TUBGCP3: variants seen among roughly 807,000 people sequenced by gnomAD.
TUBGCP3 encodes gamma-tubulin complex component 3.
In TUBGCP3, 50 loss-of-function variants were observed where a neutral mutation model predicts 123.1. The observed-to-expected ratio is 0.41, with a 90% CI of 0.32 to 0.51. The LOEUF is 0.51. Ranked by LOEUF, TUBGCP3 falls within the 20% of genes least tolerant of loss-of-function variation. The pLI, the probability that TUBGCP3 is intolerant of heterozygous loss-of-function variation, is 0.36. For missense variants in TUBGCP3, 882 were observed against 1,127.0 expected (o/e 0.78, Z 3.11); for synonymous variants, 405 against 413.9 (o/e 0.98, Z 0.26).
intron 17 of TUBGCP3, among the ~76,000 whole-genome samples, chr13:112,510,186 C>T (rs1374443319): frequency 6.6e-6 from 1 of 152,166 alleles, no homozygotes; most frequent in African/African-American, 2.4e-5. Context: ...TCTCCACTGA[C>T]CCCTAAAGGC....
intron 5 of TUBGCP3, 90 bp downstream of exon 5, chr13:112,558,106 C>T (rs1880194079): frequency 7.1e-7 from 1 of 1,411,038 alleles, no homozygotes; most frequent in African/African-American, 1.4e-5. Flanking sequence ...CCCACTGATA[C>T]TGTGGGTGAA....
At position 112,511,502 on chromosome 13, in the gene TUBGCP3, G is replaced by T. The variant is rs1019182006; in HGVS notation, c.2086+4938C>A. 1.3e-5 allele frequency among the ~76,000 whole-genome samples: 2 copies of T among 152,076 alleles called. No homozygotes were observed. Among genetic ancestry groups the T allele is most frequent in the South Asian group, 4.2e-4 (2 of 4,806 alleles). On this transcript the variant is annotated intron_variant, in intron 17 of 21. Coordinates refer to ENST00000261965, the MANE Select transcript of TUBGCP3 (RefSeq NM_006322.6). The surrounding 1 kb of genome is among the most constrained non-coding windows in gnomAD (Gnocchi z 4.1). ...AACCGCAGCTGGGCCGGTACTAAAG[G>T]CTGTGCTGCCGGAGCACAGAGCCCA...
chr13:112,534,433 G>C (rs1419401612), intron 11 of TUBGCP3, among the ~76,000 whole-genome samples: 1 of 152,180 alleles, frequency 6.6e-6, no homozygotes, highest in Non-Finnish European at 1.5e-5. Flanking sequence ...TGTGGTCCCA[G>C]CTAATCAGGA....
intron 9 of TUBGCP3, 89 bp from the exon 10 acceptor site, chr13:112,547,841 G>T: frequency 1.5e-6 from 2 of 1,319,828 alleles, no homozygotes; most frequent in Non-Finnish European, 2.0e-6. Flanking sequence ...ATAAGAAAAT[G>T]ATTATACTCA....
In TUBGCP3 at chr13:112,518,995, CATG is replaced by C; in HGVS notation, c.1927_1929del (p.His643del). ...CTTACAGTTGCAATTGGTCCGTCAA[CATG>C]ATAATCGAGGCTGAAGACATCCCAT... is the stretch of plus-strand genomic sequence containing the variant. On this transcript the variant is annotated inframe_deletion, in exon 16 of 22. Transcript: ENST00000261965. 1 of 1,614,006 alleles carries C rather than the reference CATG, an allele frequency of 6.2e-7. No individual in the cohort carries two copies. Among genetic ancestry groups the C allele is most frequent in the East Asian group, 2.2e-5 (1 of 44,878 alleles).
chr13:112,565,693 G>C (rs1461653499), intron 2 of TUBGCP3, among the ~76,000 whole-genome samples: 1 of 152,206 alleles, frequency 6.6e-6, no homozygotes, highest in African/African-American at 2.4e-5. Flanking sequence ...CCAGCACTTT[G>C]GGAGACCGAG....
chr13:112,526,410 C>T (rs1877100435), intron 13 of TUBGCP3, among the ~76,000 whole-genome samples: 3 of 151,630 alleles, frequency 2.0e-5, no homozygotes, highest in Admixed American at 2.0e-4. Flanking sequence ...TCAACATCAT[C>T]ACCACCATCA....
chr13:112,573,434 T>G (rs1881567449), intron 1 of TUBGCP3, among the ~76,000 whole-genome samples: 1 of 151,856 alleles, frequency 6.6e-6, no homozygotes, highest in South Asian at 2.1e-4. Flanking sequence ...TGGAGTGGAA[T>G]AAATGTCCAA....
At chr13:112,491,572 G>A (rs577411422) in intron 20 of TUBGCP3, among the ~76,000 whole-genome samples, 5 of 152,246 alleles carry the variant, frequency 3.3e-5, no homozygotes, top group South Asian at 2.1e-4. Context: ...TGCTTTGTTC[G>A]TGTCCACTGT....
chr13:112,552,442 T>C (rs994549692), intron 8 of TUBGCP3, among the ~76,000 whole-genome samples: 2 of 152,184 alleles, frequency 1.3e-5, no homozygotes, highest in African/African-American at 2.4e-5. Flanking sequence ...GCCAGCTCAC[T>C]CCTATCTGCC....
At chr13:112,528,290 T>C (rs1392904819) in intron 11 of TUBGCP3, among the ~76,000 whole-genome samples, 7 of 152,262 alleles carry the variant, frequency 4.6e-5, no homozygotes, top group African/African-American at 1.7e-4. Flanking sequence ...AAAGCACAAC[T>C]GCTGAATTAA....
chr13:112,527,243 A>T, intron 12 of TUBGCP3, 131 bp downstream of exon 12: 1 of 756,002 alleles, frequency 1.3e-6, no homozygotes, highest in East Asian at 2.6e-5. Context: ...ATTAACATGC[A>T]CTTACTTCAT....
At chr13:112,599,240 T>C in the TUBGCP3 span, among the ~76,000 whole-genome samples, 1 of 152,200 alleles carries the variant, frequency 6.6e-6, no homozygotes, top group Non-Finnish European at 1.5e-5. Flanking sequence ...AAAGTTATTC[T>C]ATGAGGTTAT....
At chr13:112,496,583 C>A (rs955075365) in intron 20 of TUBGCP3, among the ~76,000 whole-genome samples, 1 of 152,250 alleles carries the variant, frequency 6.6e-6, no homozygotes, top group East Asian at 1.9e-4. Context: ...TATCCTGAAT[C>A]AGCGTGGACT....
the TUBGCP3 span, among the ~76,000 whole-genome samples, chr13:112,600,355 C>T: frequency 6.6e-6 from 1 of 152,312 alleles, no homozygotes; most frequent in East Asian, 1.9e-4. Context: ...TAACGAGCTT[C>T]TGATTGATTG....
chr13:112,528,374 C>A (rs971974916), intron 11 of TUBGCP3, among the ~76,000 whole-genome samples: 1 of 152,172 alleles, frequency 6.6e-6, no homozygotes, highest in Non-Finnish European at 1.5e-5. Flanking sequence ...CTCCCACGGG[C>A]AAGATGTCCT....
intron 20 of TUBGCP3, 97 bp downstream of exon 20, chr13:112,498,948 T>C (rs1194671715): frequency 6.2e-7 from 1 of 1,614,194 alleles, no homozygotes; most frequent in Non-Finnish European, 8.5e-7. Flanking sequence ...TGTCTGACAA[T>C]TTTGGCAAGA....
At chr13:112,530,660 T>C (rs551731881) in intron 11 of TUBGCP3, among the ~76,000 whole-genome samples, 37 of 152,302 alleles carry the variant, frequency 2.4e-4, no homozygotes, top group Non-Finnish European at 4.9e-4. Flanking sequence ...CCCCTCGTAA[T>C]CCATGGGACG....
intron 11 of TUBGCP3, among the ~76,000 whole-genome samples, chr13:112,537,687 GTTGCTGTTAATTCTTTAAATAGGA>G (rs910866256): frequency 1.3e-5 from 2 of 152,200 alleles, no homozygotes; most frequent in East Asian, 3.9e-4. Flanking sequence ...TCTGAGAAGG[GTTGCTGTTAATTCTTTAAATAGGA>G]TTGCTGTTAA....
Sources: allele counts gnomAD v4.1 joint callset (sites outside exome capture counted in the v4.1 genomes callset), GRCh38; gene constraint gnomAD v4.1.1; non-coding constraint Gnocchi (gnomAD v3.1); transcripts MANE v1.5; gene names NCBI Gene and HGNC (gene_info 2026-07-23, HGNC 2026-07-21).